CALN1: variants seen among roughly 807,000 people sequenced by gnomAD.
CALN1 encodes calcium-binding protein 8.
In CALN1, 17 loss-of-function variants were observed where a neutral mutation model predicts 30.6. The observed-to-expected ratio is 0.56, with a 90% CI of 0.38 to 0.83. The LOEUF (loss-of-function observed/expected upper bound fraction) is 0.83. Among genes scored for constraint, CALN1 ranks in the 40% least tolerant of loss-of-function variants. The pLI, the probability that CALN1 is intolerant of heterozygous loss-of-function variation, is 0.00. For synonymous variants in CALN1, 156 were observed against 131.4 expected (o/e 1.19, Z -1.28); for missense variants, 291 against 354.9 (o/e 0.82, Z 1.45).
chr7:72,118,203 A>G (rs568449259), intron 3 of CALN1, among the ~76,000 whole-genome samples: 1 of 152,340 alleles, frequency 6.6e-6, no homozygotes, highest in Non-Finnish European at 1.5e-5. Context: ...TCATTCTTAA[A>G]GAAGGGCATT....
At chr7:72,038,875 A>G (rs1584800633) in intron 4 of CALN1, among the ~76,000 whole-genome samples, 1 of 152,242 alleles carries the variant, frequency 6.6e-6, no homozygotes, top group Admixed American at 6.5e-5. Flanking sequence ...TCATCAAGAA[A>G]TAACCATAAA....
chr7:71,927,176 A>C (rs1312530042), intron 5 of CALN1, among the ~76,000 whole-genome samples: 6 of 152,124 alleles, frequency 3.9e-5, no homozygotes, highest in Non-Finnish European at 8.8e-5. Flanking sequence ...TGTTGTTGCT[A>C]TGGTTACCTT....
At chr7:72,236,092 AAAAG>A (rs1437160761) in intron 3 of CALN1, among the ~76,000 whole-genome samples, 6 of 151,696 alleles carry the variant, frequency 4.0e-5, no homozygotes, top group African/African-American at 9.7e-5. Flanking sequence ...AAAAAAAAAA[AAAAG>A]AAAGAAAGAA....
At chr7:72,051,404 A>G (rs2129535901) in intron 4 of CALN1, among the ~76,000 whole-genome samples, 1 of 152,264 alleles carries the variant, frequency 6.6e-6, no homozygotes, top group East Asian at 1.9e-4. Flanking sequence ...ATTATTACAG[A>G]TTTAAGAAAA....
chr7:72,427,823 G>C (rs1807846363), intron 1 of CALN1, among the ~76,000 whole-genome samples: 1 of 151,996 alleles, frequency 6.6e-6, no homozygotes, highest in African/African-American at 2.4e-5. Context: ...TCACATCACT[G>C]TCTTGCTTAA....
intron 4 of CALN1, among the ~76,000 whole-genome samples, chr7:72,085,360 T>A (rs531064410): frequency 4.6e-5 from 7 of 152,204 alleles, no homozygotes; most frequent in South Asian, 4.1e-4. Context: ...TAATAAGATA[T>A]GTTGACAGAA....
chr7:72,007,692 CACA>C (rs1207475575), intron 5 of CALN1, among the ~76,000 whole-genome samples: 2 of 152,044 alleles, frequency 1.3e-5, no homozygotes, highest in Non-Finnish European at 2.9e-5. Flanking sequence ...TATTGATCAC[CACA>C]ACATCTGCGC....
At chr7:72,434,708 T>G (rs150116921) in intron 1 of CALN1, among the ~76,000 whole-genome samples, 157 of 152,324 alleles carry the variant, frequency 1.0e-3, no homozygotes, top group Non-Finnish European at 1.5e-3. Flanking sequence ...GCTCCCTTCA[T>G]CTGAAGGACT....
chr7:72,408,451 AACAC>A (rs1228098310), intron 1 of CALN1, among the ~76,000 whole-genome samples: 4 of 151,940 alleles, frequency 2.6e-5, no homozygotes, highest in Admixed American at 1.3e-4. Context: ...AAAAAAATTA[AACAC>A]ACACACAGAG....
intron 3 of CALN1, among the ~76,000 whole-genome samples, chr7:72,106,512 G>A (rs1053631997): frequency 2.7e-5 from 4 of 150,014 alleles, no homozygotes; most frequent in South Asian, 4.3e-4. Context: ...GGGAGAGGAG[G>A]AGAAGGGAAA....
chr7:71,984,714 C>T (rs1798573647), intron 5 of CALN1, among the ~76,000 whole-genome samples: 1 of 152,134 alleles, frequency 6.6e-6, no homozygotes, highest in African/African-American at 2.4e-5. Flanking sequence ...GTCTTGCCAC[C>T]CAAGGCCATC....
intron 2 of CALN1, among the ~76,000 whole-genome samples, chr7:72,397,744 A>ACACACACACACACACC (rs1806069431): frequency 6.6e-6 from 1 of 150,700 alleles, no homozygotes; most frequent in East Asian, 2.0e-4. Flanking sequence ...ACACACACAC[A>ACACACACACACACACC]CACACACCTT....
At chr7:72,181,189 T>C (rs1416703312) in intron 3 of CALN1, among the ~76,000 whole-genome samples, 8 of 147,516 alleles carry the variant, frequency 5.4e-5, no homozygotes, top group Non-Finnish European at 1.2e-4. Flanking sequence ...AGTCTATATA[T>C]GTATGTATTG....
At chr7:72,324,623 G>T (rs1273151952) in intron 2 of CALN1, among the ~76,000 whole-genome samples, 2 of 151,514 alleles carry the variant, frequency 1.3e-5, no homozygotes, top group African/African-American at 2.4e-5. Flanking sequence ...CCCTCTGTTG[G>T]CCAGGCTGGA....
At chr7:71,793,047 G>A (rs1562782886) in intron 6 of CALN1, among the ~76,000 whole-genome samples, 1 of 152,116 alleles carries the variant, frequency 6.6e-6, no homozygotes, top group Non-Finnish European at 1.5e-5. Context: ...GCTCACGCCT[G>A]TAATCCCAGC....
intron 4 of CALN1, among the ~76,000 whole-genome samples, chr7:72,078,836 T>C (rs1804926161): frequency 6.6e-6 from 1 of 152,166 alleles, no homozygotes; most frequent in African/African-American, 2.4e-5. Context: ...CTTGGGAGGC[T>C]GAGGCAGGAG....
At chr7:72,229,240 G>A (rs536066889) in intron 3 of CALN1, among the ~76,000 whole-genome samples, 2 of 152,012 alleles carry the variant, frequency 1.3e-5, no homozygotes, top group Non-Finnish European at 1.5e-5. Flanking sequence ...AAGAGACTTT[G>A]CAGATGTAAA....
In CALN1 at chr7:72,105,761, G is replaced by GGAA. The variant is rs1239555863; in HGVS notation, c.388+387_388+389dup. ...AGGAGGAAGAGGGGCAGGGAGAAGA[G>GGAA]GAAGAAGAAGGAGGAGGAGGAGGAG... is the stretch of plus-strand genomic sequence containing the variant. On this transcript the variant is annotated intron_variant, in intron 4 of 6. Coordinates refer to ENST00000395275, the MANE Select transcript of CALN1 (RefSeq NM_031468.4). Among the ~76,000 whole-genome samples the GGAA allele has an allele frequency of 9.6e-3, 1,227 of 127,934 alleles. 47 individuals are homozygous for GGAA. The highest frequency in any genetic ancestry group is 0.034 in the African/African-American group (1,118 of 32,472). The allele number at this position is 127,934 out of a possible 152,430, so 83.9% of individuals were successfully genotyped here. A position where few individuals can be genotyped will look rare whatever the true frequency, so the allele number is the denominator to read the frequency against.
intron 5 of CALN1, among the ~76,000 whole-genome samples, chr7:71,989,814 TA>T (rs1277258487): frequency 6.6e-6 from 1 of 151,736 alleles, no homozygotes; most frequent in Non-Finnish European, 1.5e-5. Context: ...CTTAGTGTCT[TA>T]AAAAAAATCC....
Sources: gnomAD v4.1 joint callset for allele counts (sites outside exome capture counted in the v4.1 genomes callset) on GRCh38, gnomAD v4.1.1 for gene constraint, MANE v1.5 for transcripts, NCBI Gene and HGNC (gene_info 2026-07-23, HGNC 2026-07-21) for gene names.